The following OR9Q1 variants were observed in gnomAD, a reference collection of about 807,000 sequenced individuals.
OR9Q1 encodes olfactory receptor 9Q1.
For missense variants in OR9Q1, 374 were observed against 378.8 expected, an observed-to-expected ratio of 0.99 and a Z score of 0.11; for synonymous variants, 153 against 148.6, an observed-to-expected ratio of 1.03 and a Z score of -0.22.
chr11:58,087,711 C>G (rs1015527366), intron 2 of OR9Q1, among the ~76,000 whole-genome samples: 2 of 151,712 alleles, frequency 1.3e-5, no homozygotes, highest in African/African-American at 2.4e-5. Flanking sequence ...GCTCTCCCTC[C>G]CCTTGCCCCC....
intron 1 of OR9Q1, among the ~76,000 whole-genome samples, chr11:58,026,266 G>A (rs1206646679): frequency 6.6e-6 from 1 of 152,218 alleles, no homozygotes; most frequent in African/African-American, 2.4e-5. Context: ...CCACTTCACT[G>A]AGTTAACAAA....
intron 2 of OR9Q1, among the ~76,000 whole-genome samples, chr11:58,132,011 G>T (rs1228365824): frequency 1.3e-5 from 2 of 152,134 alleles, no homozygotes; most frequent in African/African-American, 4.8e-5. Context: ...CCAACCGAAT[G>T]CTAGGTCCAG....
intron 2 of OR9Q1, chr11:58,145,251 A>G (rs957424740): frequency 6.6e-6 from 1 of 152,264 alleles, no homozygotes; most frequent in African/African-American, 2.4e-5. Flanking sequence ...ACTCATATTC[A>G]TATACCTGAA....
chr11:58,032,905 A>G (rs150682413), intron 1 of OR9Q1, among the ~76,000 whole-genome samples: 69 of 152,356 alleles, frequency 4.5e-4, no homozygotes, highest in Non-Finnish European at 2.9e-5. Context: ...ACTTAAATCA[A>G]CAAGAAAAAA....
chr11:58,119,753 C>T (rs545500390), intron 2 of OR9Q1, among the ~76,000 whole-genome samples: 2 of 152,256 alleles, frequency 1.3e-5, no homozygotes, highest in South Asian at 4.2e-4. Flanking sequence ...CTGTTCCAGT[C>T]CCATCTGGGG....
chr11:58,143,399 A>G (rs2119874216), intron 2 of OR9Q1, among the ~76,000 whole-genome samples: 1 of 152,334 alleles, frequency 6.6e-6, no homozygotes, highest in Admixed American at 6.5e-5. Context: ...GATTTCTTCA[A>G]CAAAGTGCTT....
At chr11:58,081,090 A>G (rs11229248) in intron 2 of OR9Q1, among the ~76,000 whole-genome samples, 3,276 of 151,736 alleles carry the variant, frequency 0.022, 117 homozygotes, top group African/African-American at 0.075. Context: ...TCCTTGTGAT[A>G]GTTTGCTTAG....
rs554356686 is a variant in OR9Q1 at position 58,180,572 on chromosome 11, G to A, written c.*195G>A. The A allele has an allele frequency of 5.1e-5, 22 of 432,920 alleles. No homozygotes were observed. Among genetic ancestry groups the A allele is most frequent in the African/African-American group, 3.6e-4 (18 of 49,890 alleles). 26.8% of individuals were successfully genotyped at this position (432,920 alleles called of 1,614,324 possible). A position where few individuals can be genotyped will look rare whatever the true frequency, so the allele number is the denominator to read the frequency against. ...TCAACCTGAAAAGAGATTGGAGTGG[G>A]AGTTTTGATTCCCAGGACAAGTGAC... On this transcript the variant is annotated 3_prime_UTR_variant, in exon 3 of 3. Coordinates refer to ENST00000335397, the MANE Select transcript of OR9Q1 (RefSeq NM_001005212.4).
chr11:58,075,337 G>T (rs1324958611), intron 2 of OR9Q1: 1 of 152,156 alleles, frequency 6.6e-6, no homozygotes, highest in Non-Finnish European at 1.5e-5. Context: ...CTTGTAAGTT[G>T]TATTCCTAGG....
At chr11:58,089,667 A>G (rs538364310) in intron 2 of OR9Q1, among the ~76,000 whole-genome samples, 5 of 152,016 alleles carry the variant, frequency 3.3e-5, no homozygotes, top group Admixed American at 3.3e-4. Flanking sequence ...AATTTAAAGT[A>G]GTTTTTTTCT....
intron 1 of OR9Q1, among the ~76,000 whole-genome samples, chr11:58,052,940 C>T (rs377587353): frequency 0.04 from 6,059 of 151,692 alleles, 114 homozygotes; most frequent in East Asian, 0.059. Context: ...ATTAAAAAGT[C>T]AGGAAACAAC....
chr11:58,115,912 C>A (rs945631655), intron 2 of OR9Q1, among the ~76,000 whole-genome samples: 14 of 152,196 alleles, frequency 9.2e-5, no homozygotes, highest in Non-Finnish European at 1.3e-4. Context: ...ACTCCCCTTG[C>A]TCCTATATCT....
intron 1 of OR9Q1, among the ~76,000 whole-genome samples, chr11:58,053,971 G>A (rs1853301807): frequency 6.6e-6 from 1 of 152,044 alleles, no homozygotes; most frequent in Admixed American, 6.6e-5. Flanking sequence ...AGCAGATTTT[G>A]AGTGTCCTTA....
chr11:58,098,250 C>T (rs1853750520), intron 2 of OR9Q1, among the ~76,000 whole-genome samples: 1 of 152,108 alleles, frequency 6.6e-6, no homozygotes, highest in Admixed American at 6.6e-5. Context: ...ATTATAGATT[C>T]AATTTCTTTA....
chr11:58,115,209 A>T (rs1018079212), intron 2 of OR9Q1, among the ~76,000 whole-genome samples: 4 of 152,166 alleles, frequency 2.6e-5, no homozygotes, highest in Non-Finnish European at 5.9e-5. Context: ...ATTAACAATA[A>T]CATATGTATT....
In OR9Q1 at chr11:58,106,092, ACCCCC is replaced by A. The variant is rs1290298964; in HGVS notation, c.-15+50146_-15+50150del. Among the ~76,000 whole-genome samples the A allele has an allele frequency of 8.0e-5, 12 of 149,966 alleles. No individual in the cohort carries two copies. The East Asian group carries it at 2.2e-3, about 27-fold the overall frequency. On this transcript the variant is annotated intron_variant, in intron 2 of 2. Transcript: ENST00000335397. ...TTTAACATCCCCACAAACATGTTCC[ACCCCC>A]TTGGACACTGGAACACATCCAAGGG...
chr11:58,053,660 A>T (rs900837704), intron 1 of OR9Q1, among the ~76,000 whole-genome samples: 2 of 117,620 alleles, frequency 1.7e-5, no homozygotes, highest in Non-Finnish European at 3.6e-5. Context: ...TATATATATA[A>T]AATATATATA....
intron 1 of OR9Q1, among the ~76,000 whole-genome samples, chr11:58,042,693 G>A (rs1387096300): frequency 6.6e-6 from 1 of 152,102 alleles, no homozygotes; most frequent in African/African-American, 2.4e-5. Flanking sequence ...AAAGTCATTG[G>A]TAGCTTGATG....
intron 2 of OR9Q1, among the ~76,000 whole-genome samples, chr11:58,056,681 ATT>A (rs1258771202): frequency 6.6e-6 from 1 of 152,204 alleles, no homozygotes; most frequent in African/African-American, 2.4e-5. Context: ...ATCTGAAAAC[ATT>A]TACTATCTGG....
Sources: allele counts gnomAD v4.1 joint callset (sites outside exome capture counted in the v4.1 genomes callset), GRCh38; gene constraint gnomAD v4.1.1; transcripts MANE v1.5; gene names NCBI Gene and HGNC (gene_info 2026-07-23, HGNC 2026-07-21).